Variants in FBN2 observed in about 807,000 individuals in gnomAD.
The protein encoded by FBN2 is fibrillin-2.
Under a neutral mutation model 355.6 loss-of-function variants are expected in FBN2, and 105 were observed. The observed-to-expected ratio is 0.30, with a 90% CI of 0.25 to 0.35. The LOEUF is 0.35. Ranked by LOEUF, FBN2 falls within the 10% of genes least tolerant of loss-of-function variation. The pLI is 1.00. For missense variants in FBN2, 3,280 were observed against 3,758.7 expected, an observed-to-expected ratio of 0.87 and a Z score of 3.33; for synonymous variants, 1,350 against 1,301.2, an observed-to-expected ratio of 1.04 and a Z score of -0.81.
At chr5:128,291,495 T>A (rs1370433465) in intron 49 of FBN2, 34 bp downstream of exon 49, 1 of 1,612,458 alleles carries the variant, frequency 6.2e-7, no homozygotes, top group African/African-American at 1.3e-5. Context: ...TTTCTAAGCG[T>A]GAACTGTGAC....
chr5:128,404,524 T>C (rs1040894330), intron 8 of FBN2, among the ~76,000 whole-genome samples: 2 of 152,236 alleles, frequency 1.3e-5, no homozygotes, highest in African/African-American at 4.8e-5. Flanking sequence ...CACGACATCA[T>C]GTCCAAAGAG....
At chr5:128,403,646 T>C (rs1413774985) in intron 8 of FBN2, among the ~76,000 whole-genome samples, 2 of 152,054 alleles carry the variant, frequency 1.3e-5, no homozygotes, top group Non-Finnish European at 2.9e-5. Flanking sequence ...TTAAGGCTTA[T>C]TAAGTAGTGC....
intron 46 of FBN2, among the ~76,000 whole-genome samples, 167 bp downstream of exon 46, chr5:128,302,806 C>G (rs972455996): frequency 6.6e-6 from 1 of 152,076 alleles, no homozygotes; most frequent in African/African-American, 2.4e-5. Flanking sequence ...TAGGCCAATA[C>G]TATGGTTTCA....
intron 36 of FBN2, among the ~76,000 whole-genome samples, chr5:128,316,853 A>G (rs1750214196): frequency 6.6e-6 from 1 of 152,172 alleles, no homozygotes; most frequent in Non-Finnish European, 1.5e-5. Context: ...GTTTTTAAGA[A>G]ATATTGAGGC....
intron 2 of FBN2, among the ~76,000 whole-genome samples, chr5:128,534,148 G>T (rs964266316): frequency 1.3e-5 from 2 of 151,916 alleles, no homozygotes; most frequent in Non-Finnish European, 2.9e-5. Context: ...TTAATATTTG[G>T]TTTTTATTTA....
At chr5:128,323,764 T>C (rs959363109) in intron 34 of FBN2, among the ~76,000 whole-genome samples, 2 of 152,220 alleles carry the variant, frequency 1.3e-5, no homozygotes, top group East Asian at 1.9e-4. Context: ...TTTTTTGTTG[T>C]GTCTCTTCCA....
intron 62 of FBN2, among the ~76,000 whole-genome samples, chr5:128,266,085 T>C (rs1020025192): frequency 6.6e-6 from 1 of 152,220 alleles, no homozygotes; most frequent in African/African-American, 2.4e-5. Flanking sequence ...GTTGCTTTTA[T>C]TAGTTTCCTG....
At chr5:128,338,882 G>T (rs749559222) in intron 26 of FBN2, 51 bp downstream of exon 26, 6 of 1,595,346 alleles carry the variant, frequency 3.8e-6, no homozygotes, top group Non-Finnish European at 4.3e-6. Context: ...GCACGAATGA[G>T]TCTGTGCTAG....
chr5:128,507,242 T>C (rs1276546569), intron 5 of FBN2, among the ~76,000 whole-genome samples: 2 of 152,064 alleles, frequency 1.3e-5, no homozygotes, highest in Non-Finnish European at 2.9e-5. Context: ...ACACATTCAA[T>C]TTATTTAATT....
intron 48 of FBN2, among the ~76,000 whole-genome samples, chr5:128,292,422 C>T (rs1749350970): frequency 6.6e-6 from 1 of 152,112 alleles, no homozygotes; most frequent in Admixed American, 6.5e-5. Context: ...TTTTCAGGCA[C>T]ATTAGAACGT....
chr5:128,426,670 G>A (rs941457072), intron 7 of FBN2, among the ~76,000 whole-genome samples: 1 of 152,116 alleles, frequency 6.6e-6, no homozygotes, highest in African/African-American at 2.4e-5. Context: ...TCTTCCTAGG[G>A]TGAGCATCCC....
At chr5:128,332,424 AT>A (rs893656426) in intron 32 of FBN2, among the ~76,000 whole-genome samples, 6 of 152,032 alleles carry the variant, frequency 3.9e-5, no homozygotes, top group African/African-American at 1.2e-4. Context: ...GAATTTGCCT[AT>A]TTTTTTTCTT....
intron 5 of FBN2, among the ~76,000 whole-genome samples, chr5:128,517,529 C>T (rs1317032691): frequency 6.6e-6 from 1 of 152,094 alleles, no homozygotes; most frequent in Non-Finnish European, 1.5e-5. Context: ...ACATTAAACT[C>T]TTATCATTTG....
At chr5:128,529,358 G>T (rs1428898438) in intron 3 of FBN2, among the ~76,000 whole-genome samples, 3 of 152,112 alleles carry the variant, frequency 2.0e-5, no homozygotes, top group African/African-American at 7.2e-5. Context: ...GAAGGCCACT[G>T]GCATTTTAAA....
At chr5:128,405,605 G>C (rs1054179549) in intron 8 of FBN2, among the ~76,000 whole-genome samples, 10 of 152,180 alleles carry the variant, frequency 6.6e-5, no homozygotes, top group Admixed American at 5.2e-4. Context: ...ATGAATGCAA[G>C]TTTTGTTTGA....
At chr5:128,502,325 A>T (rs1355784206) in intron 5 of FBN2, among the ~76,000 whole-genome samples, 1 of 149,356 alleles carries the variant, frequency 6.7e-6, no homozygotes, top group Non-Finnish European at 1.5e-5. Flanking sequence ...AAACTCTTTG[A>T]GCATCCAGGA....
intron 6 of FBN2, among the ~76,000 whole-genome samples, chr5:128,450,288 T>G (rs897498123): frequency 3.9e-5 from 6 of 152,082 alleles, no homozygotes; most frequent in African/African-American, 1.4e-4. Flanking sequence ...TCTGAGGCCA[T>G]GTAAAAGGTT....
chr5:128,292,733 C>T lies in FBN2; in HGVS notation c.6167-1079G>A, dbSNP rs533335131. Among the ~76,000 whole-genome samples, 6 of 152,268 alleles carry T rather than the reference C, an allele frequency of 3.9e-5. No homozygotes were observed. The South Asian group carries it at 1.2e-3, about 32-fold the overall frequency. ...TGTCGTGCTCATGCTGCCTATGTTTCCAAATAGCCTCTTCTGTTCTCTTTC... is the reference window on the plus strand; with the variant it reads ...TGTCGTGCTCATGCTGCCTATGTTTTCAAATAGCCTCTTCTGTTCTCTTTC... On this transcript the variant is annotated intron_variant, in intron 48 of 64. Coordinates refer to ENST00000262464, the MANE Select transcript of FBN2 (RefSeq NM_001999.4).
chr5:128,376,753 A>G lies in FBN2; in HGVS notation c.1950T>C (p.Ala650=). The G allele has an allele frequency of 6.2e-7, 1 of 1,613,750 alleles. No homozygotes were observed. The highest frequency in any genetic ancestry group is 8.5e-7 in the Non-Finnish European group (1 of 1,179,732). Residue 650 remains alanine (A), a synonymous_variant, in exon 14 of 65, where the codon GCT becomes GCC. Coordinates refer to ENST00000262464, the MANE Select transcript of FBN2 (RefSeq NM_001999.4). ...KCICKPGFVL[A]PNGRYCTDVD... ...TACCAGTACAGTAACGCCCATTTGG[A>G]GCCAAGACAAATCCTGGTTTGCAGA... is the stretch of plus-strand genomic sequence containing the variant.
Sources: gnomAD v4.1 joint callset for allele counts (sites outside exome capture counted in the v4.1 genomes callset) on GRCh38, gnomAD v4.1.1 for gene constraint, MANE v1.5 for transcripts, NCBI Gene and HGNC (gene_info 2026-07-23, HGNC 2026-07-21) for gene names.